Variants in POR observed in about 807,000 individuals in gnomAD.
POR encodes the protein cytochrome p450 oxidoreductase, also known as NADPH--cytochrome P450 reductase.
In POR, 56 loss-of-function variants were observed where a neutral mutation model predicts 84.0. That is an observed-to-expected ratio of 0.67 (90% CI 0.54 to 0.83). POR has a LOEUF of 0.83. POR is among the 40% of genes least tolerant of loss of function. The probability of loss-of-function intolerance (pLI) is 0.00; values close to 1 mark genes in which losing one functional copy is unlikely to be tolerated. For missense variants in POR, 938 were observed against 944.3 expected, an observed-to-expected ratio of 0.99 and a Z score of 0.09; for synonymous variants, 414 against 400.5, an observed-to-expected ratio of 1.03 and a Z score of -0.40.
intron 3 of POR, among the ~76,000 whole-genome samples, chr7:75,973,495 C>T (rs1788533264): frequency 6.6e-6 from 1 of 151,382 alleles, no homozygotes; most frequent in Admixed American, 6.6e-5. Flanking sequence ...TTAATTTATT[C>T]TTCATAGGAA....
intron 8 of POR, 187 bp from the exon 9 acceptor site, chr7:75,983,331 ACT>A (rs1233991387): frequency 2.0e-5 from 10 of 501,020 alleles, no homozygotes; most frequent in Admixed American, 4.2e-5. Context: ...GCAGAGCGAA[ACT>A]CTGTCTCAAA....
At chr7:75,931,196 A>C (rs945044733) in intron 1 of POR, among the ~76,000 whole-genome samples, 3 of 152,112 alleles carry the variant, frequency 2.0e-5, no homozygotes, top group Non-Finnish European at 4.4e-5. Context: ...GATAAACAAA[A>C]TGTGGTATAT....
intron 3 of POR, among the ~76,000 whole-genome samples, chr7:75,977,739 T>A (rs1788760494): frequency 1.3e-5 from 2 of 152,098 alleles, no homozygotes; most frequent in African/African-American, 4.8e-5. Context: ...GATCGTGCCA[T>A]TACACTCCAA....
At chr7:75,978,341 C>G (rs1788792424) in intron 3 of POR, among the ~76,000 whole-genome samples, 2 of 152,292 alleles carry the variant, frequency 1.3e-5, no homozygotes, top group African/African-American at 4.8e-5. Context: ...TGAACACATA[C>G]TGTCATCTTA....
chr7:75,923,198 C>A, intron 1 of POR: 1 of 1,140,868 alleles, frequency 8.8e-7, no homozygotes, highest in Middle Eastern at 2.9e-4. Context: ...AAGAATAAGA[C>A]CATCCCTCTG....
chr7:75,968,105 A>T, intron 2 of POR: 1 of 455,474 alleles, frequency 2.2e-6, no homozygotes, highest in South Asian at 1.6e-5. Flanking sequence ...ACTCGTCTCC[A>T]CCTGAGGAGC....
At chr7:75,926,041 T>C (rs957363231) in intron 1 of POR, among the ~76,000 whole-genome samples, 12 of 150,178 alleles carry the variant, frequency 8.0e-5, no homozygotes, top group African/African-American at 2.9e-4. Context: ...TTTTTTTTTT[T>C]TTTTTTTTTT....
At chr7:75,945,117 C>T (rs1311336299) in intron 1 of POR, among the ~76,000 whole-genome samples, 1 of 151,986 alleles carries the variant, frequency 6.6e-6, no homozygotes, top group Non-Finnish European at 1.5e-5. Context: ...CCTGTCTCTA[C>T]TAAAAATACA....
At chr7:75,979,884 C>T (rs1788912227) in intron 4 of POR, 1 of 401,484 alleles carries the variant, frequency 2.5e-6, no homozygotes, top group Admixed American at 3.8e-5. Context: ...CCCAGCTGCT[C>T]CACTCCCCTC....
chr7:75,965,007 C>T (rs971582119), intron 2 of POR, among the ~76,000 whole-genome samples: 5 of 150,700 alleles, frequency 3.3e-5, no homozygotes, highest in African/African-American at 1.2e-4. Context: ...ACGGAGCGAA[C>T]CCCGTCTCTA....
chr7:75,949,351 T>C (rs1787315047), intron 1 of POR, among the ~76,000 whole-genome samples: 1 of 152,074 alleles, frequency 6.6e-6, no homozygotes, highest in Non-Finnish European at 1.5e-5. Flanking sequence ...AGATGGAGTT[T>C]CGCTGTGTTG....
intron 1 of POR, among the ~76,000 whole-genome samples, chr7:75,939,824 T>C (rs1336106348): frequency 1.3e-5 from 2 of 152,076 alleles, no homozygotes; most frequent in Admixed American, 1.3e-4. Flanking sequence ...GCCAGGCTGG[T>C]CTCGAGCTCC....
At chr7:75,927,203 C>T (rs145066942) in intron 1 of POR, among the ~76,000 whole-genome samples, 2 of 152,162 alleles carry the variant, frequency 1.3e-5, no homozygotes, top group African/African-American at 4.8e-5. Flanking sequence ...AAACACTGTT[C>T]ATTAGTTAAA....
intron 5 of POR, 93 bp downstream of exon 5, chr7:75,980,581 A>AC (rs781875605): frequency 6.2e-7 from 1 of 1,609,936 alleles, no homozygotes; most frequent in Admixed American, 1.7e-5. Context: ...AGCCCTCCAG[A>AC]CCCCCACCCT....
chr7:75,983,385 T>C, intron 8 of POR, 135 bp from the exon 9 acceptor site: 2 of 661,194 alleles, frequency 3.0e-6, no homozygotes, highest in Non-Finnish European at 5.4e-6. Flanking sequence ...GGGAGAGCCC[T>C]TGATGTAACC....
intron 1 of POR, among the ~76,000 whole-genome samples, chr7:75,927,959 CTCAGGTTTCTTTTTTTTT>C (rs1807220204): frequency 6.9e-6 from 1 of 144,426 alleles, no homozygotes; most frequent in Non-Finnish European, 1.5e-5. Flanking sequence ...CAGTCTCTAT[CTCAGGTTTCTTTTTTTTT>C]TTTTTTTTTT....
chr7:75,985,830 G>T lies in POR; in HGVS notation c.1650G>T (p.Arg550=). ...CCTTCATAGGCTTCATCCAGGAGCGGGCCTGGCTGCGACAGCAGGGTGAGT... is the reference window on the plus strand; with the variant it reads ...CCTTCATAGGCTTCATCCAGGAGCGTGCCTGGCTGCGACAGCAGGGTGAGT... Residue 550 remains arginine, a synonymous_variant, in exon 13 of 16, where the codon CGG becomes CGT. Coordinates refer to ENST00000461988, the MANE Select transcript of POR (RefSeq NM_000941.3). 6.4e-7 allele frequency: 1 copy of T among 1,552,698 alleles called. No homozygotes were observed. The highest frequency in any genetic ancestry group is 1.9e-5 in the Admixed American group (1 of 52,758).
chr7:75,979,241 TGA>T (rs1240137286), intron 3 of POR, among the ~76,000 whole-genome samples: 1 of 152,040 alleles, frequency 6.6e-6, no homozygotes, highest in Non-Finnish European at 1.5e-5. Flanking sequence ...GCCGCGTGTG[TGA>T]GATTGCCTTG....
rs189568679 is a variant in POR, at chr7:75,931,557, C to T, written c.-5+16378C>T. Among the ~76,000 whole-genome samples, 338 of 151,844 alleles carry T rather than the reference C, an allele frequency of 2.2e-3. 2 individuals carry two copies. The highest frequency in any genetic ancestry group is 6.0e-3 in the Admixed American group (91 of 15,216). On this transcript the variant is annotated intron_variant, in intron 1 of 15. Transcript: ENST00000461988. ...AATTTTTTTGTATTTTTAGTAGAGA[C>T]GGGGTTTCACCACGTTGGACAGGTT...
Sources: gnomAD v4.1 joint callset for allele counts (sites outside exome capture counted in the v4.1 genomes callset) on GRCh38, gnomAD v4.1.1 for gene constraint, MANE v1.5 for transcripts, NCBI Gene and HGNC (gene_info 2026-07-23, HGNC 2026-07-21) for gene names.